The following TMEM74 variants were observed in gnomAD, a reference collection of about 807,000 sequenced individuals.
The protein encoded by TMEM74 is transmembrane protein 74.
A neutral mutation model predicts 18.1 loss-of-function variants in TMEM74; 13 were observed. That is an observed-to-expected ratio of 0.72 (90% CI 0.47 to 1.14). TMEM74 has a LOEUF of 1.14. Among genes scored for constraint, TMEM74 ranks in the 50% most tolerant of loss-of-function variants. The pLI is 0.00. For synonymous variants in TMEM74, 159 were observed against 146.6 expected (o/e 1.08, Z -0.61); for missense variants, 372 against 375.9 (o/e 0.99, Z 0.09).
intron 1 of TMEM74, among the ~76,000 whole-genome samples, chr8:108,765,882 G>T (rs1814101316): frequency 6.6e-6 from 1 of 151,458 alleles, no homozygotes; most frequent in South Asian, 2.1e-4. Flanking sequence ...TAAGCATTTT[G>T]ACAAATTTTT....
intron 1 of TMEM74, among the ~76,000 whole-genome samples, chr8:108,705,318 A>T (rs1351685595): frequency 1.3e-5 from 2 of 152,212 alleles, no homozygotes; most frequent in East Asian, 3.9e-4. Context: ...ATCTGTGTTA[A>T]CAACGCCTTG....
At position 108,779,577 on chromosome 8, in the gene TMEM74, T is replaced by C. The variant is rs893684735; in HGVS notation, c.*4604A>G. Among the ~76,000 whole-genome samples the C allele has an allele frequency of 7.2e-5, 11 of 152,122 alleles. No individual in the cohort carries two copies. The highest frequency in any genetic ancestry group is 2.7e-4 in the African/African-American group (11 of 41,432). On this transcript the variant is annotated 3_prime_UTR_variant, in exon 2 of 2. Transcript: ENST00000297459. ...TGGGAGGCTGAACAACCAAAACAGG[T>C]TTATAATAATTATGGCATCTCATTC... is the stretch of plus-strand genomic sequence containing the variant.
rs533059017 is a variant in TMEM74 at position 108,730,781 on chromosome 8, C to A, written n.119+56695G>T. On this transcript the variant is annotated intron_variant and non_coding_transcript_variant, in intron 1 of 3. Transcript: ENST00000518838. ...CCGAGTAGCTGGGACTACAGGCACC[C>A]GCCACCACGCCTGGCTAATTTTTCT... is the stretch of plus-strand genomic sequence containing the variant. Among the ~76,000 whole-genome samples, 270 of 151,924 alleles carry A rather than the reference C, an allele frequency of 1.8e-3. 1 individual carries two copies. Among genetic ancestry groups the A allele is most frequent in the Non-Finnish European group, 2.7e-3 (186 of 67,958 alleles).
downstream of TMEM74, among the ~76,000 whole-genome samples, chr8:108,775,181 G>C (rs542264700): frequency 6.6e-6 from 1 of 152,280 alleles, no homozygotes; most frequent in East Asian, 1.9e-4. Context: ...GCATTGTGCT[G>C]TATTTCTGCC....
At chr8:108,614,022 C>T (rs1015415772) in intron 2 of TMEM74, among the ~76,000 whole-genome samples, 1 of 147,894 alleles carries the variant, frequency 6.8e-6, no homozygotes, top group African/African-American at 2.5e-5. Flanking sequence ...GGGAGAAGTA[C>T]CATTTTCATA....
chr8:108,777,572 G>C (rs1415993224), downstream of TMEM74, among the ~76,000 whole-genome samples: 2 of 152,128 alleles, frequency 1.3e-5, no homozygotes, highest in East Asian at 3.9e-4. Context: ...TCACAAGCCT[G>C]CTATTTTCTT....
At chr8:108,615,621 G>A (rs3019376) in intron 2 of TMEM74, among the ~76,000 whole-genome samples, 3 of 152,012 alleles carry the variant, frequency 2.0e-5, no homozygotes, top group African/African-American at 7.2e-5. Flanking sequence ...GATCAATACC[G>A]GTGGAAGGGA....
chr8:108,634,965 T>G (rs1018394295), intron 2 of TMEM74, among the ~76,000 whole-genome samples: 5 of 151,976 alleles, frequency 3.3e-5, no homozygotes, highest in Non-Finnish European at 5.9e-5. Context: ...ATTCTCTTCC[T>G]TCTTATTGTC....
At chr8:108,628,725 T>C (rs1051230338) in intron 2 of TMEM74, among the ~76,000 whole-genome samples, 1 of 152,098 alleles carries the variant, frequency 6.6e-6, no homozygotes, top group Admixed American at 6.6e-5. Context: ...GCCATAATGG[T>C]TGAACTAATT....
intron 1 of TMEM74, among the ~76,000 whole-genome samples, chr8:108,722,321 A>G (rs1208435162): frequency 2.6e-5 from 4 of 152,152 alleles, no homozygotes; most frequent in African/African-American, 9.7e-5. Flanking sequence ...GCCTACCACA[A>G]ATGAATTCTT....
intron 1 of TMEM74, among the ~76,000 whole-genome samples, chr8:108,679,556 G>T (rs1216563793): frequency 2.0e-5 from 3 of 152,176 alleles, no homozygotes; most frequent in Non-Finnish European, 4.4e-5. Flanking sequence ...CTTTTGAGAA[G>T]TGTCTGTTCA....
chr8:108,779,935 A>C lies in TMEM74; in HGVS notation c.*4246T>G, dbSNP rs1814282563. On this transcript the variant is annotated 3_prime_UTR_variant, in exon 2 of 2. Transcript: ENST00000297459. ...CAAGACTTATAAAATTTGTGAGATG[A>C]TAATATAGAATATTATGAACCAAAA... 6.6e-6 allele frequency among the ~76,000 whole-genome samples: 1 copy of C among 152,184 alleles called. No individual in the cohort carries two copies. The highest frequency in any genetic ancestry group is 6.5e-5 in the Admixed American group (1 of 15,270).
chr8:108,672,267 G>A lies in TMEM74; in HGVS notation n.120-16830C>T, dbSNP rs552698960. On this transcript the variant is annotated intron_variant and non_coding_transcript_variant, in intron 1 of 3. Transcript: ENST00000518838. ...ATGGGGAGGAAAAGAAGAAAAAATT[G>A]TTCCTAACAGTAGGGGATGGCTTGA... 3.3e-4 allele frequency among the ~76,000 whole-genome samples: 51 copies of A among 152,256 alleles called. 1 individual carries two copies. Among genetic ancestry groups the A allele is most frequent in the Middle Eastern group, 3.4e-3 (1 of 294 alleles).
intron 1 of TMEM74, among the ~76,000 whole-genome samples, chr8:108,690,790 C>T (rs1185690284): frequency 2.0e-5 from 3 of 151,970 alleles, no homozygotes; most frequent in Admixed American, 6.6e-5. Context: ...CATTGCACTC[C>T]AGCCTGGGCG....
At chr8:108,711,687 G>A (rs573410704) in intron 1 of TMEM74, among the ~76,000 whole-genome samples, 1 of 152,268 alleles carries the variant, frequency 6.6e-6, no homozygotes, top group South Asian at 2.1e-4. Flanking sequence ...TCTAGGCATG[G>A]ATCTGCCTTA....
intron 2 of TMEM74, among the ~76,000 whole-genome samples, chr8:108,618,791 G>C (rs1328642481): frequency 6.6e-6 from 1 of 152,176 alleles, no homozygotes. Flanking sequence ...CAGTGACCTT[G>C]TGTACTGCTT....
At chr8:108,648,314 C>A (rs1434765616) in intron 2 of TMEM74, among the ~76,000 whole-genome samples, 1 of 152,038 alleles carries the variant, frequency 6.6e-6, no homozygotes, top group East Asian at 1.9e-4. Context: ...TTTTTATGAG[C>A]ATGAGCAAGC....
intron 2 of TMEM74, among the ~76,000 whole-genome samples, chr8:108,651,960 A>G (rs574446303): frequency 2.0e-5 from 3 of 151,900 alleles, no homozygotes; most frequent in African/African-American, 4.8e-5. Flanking sequence ...AAAAAATCCT[A>G]GTGCAAAAGT....
chr8:108,731,223 C>T (rs6999723), intron 1 of TMEM74, among the ~76,000 whole-genome samples: 7,698 of 151,522 alleles, frequency 0.051, 522 homozygotes, highest in African/African-American at 0.16. Flanking sequence ...TATCCACCAC[C>T]GCCCCCCATC....
Sources: gnomAD v4.1 joint callset for allele counts (sites outside exome capture counted in the v4.1 genomes callset) on GRCh38, gnomAD v4.1.1 for gene constraint, MANE v1.5 for transcripts, NCBI Gene and HGNC (gene_info 2026-07-23, HGNC 2026-07-21) for gene names.